The following CRAMP1 variants were observed in gnomAD, a reference collection of about 807,000 sequenced individuals.
CRAMP1 encodes the protein protein cramped-like.
CRAMP1 carries 50 observed loss-of-function variants against 115.4 expected under a neutral mutation model. That is an observed-to-expected ratio of 0.43 (90% CI 0.35 to 0.55). CRAMP1 has a LOEUF of 0.55. Among genes scored for constraint, CRAMP1 ranks in the 20% least tolerant of loss-of-function variants. The pLI is 0.01. For synonymous variants in CRAMP1, 866 were observed against 745.4 expected (o/e 1.16, Z -2.64); for missense variants, 1,679 against 1,721.7 (o/e 0.98, Z 0.44).
At chr16:1,660,144 G>T in intron 11 of CRAMP1, 81 bp downstream of exon 11, 2 of 1,264,512 alleles carry the variant, frequency 1.6e-6, no homozygotes, top group Non-Finnish European at 2.1e-6. Context: ...CCGAAGCTGA[G>T]AGCACAGGTG....
intron 5 of CRAMP1, among the ~76,000 whole-genome samples, chr16:1,640,585 T>G (rs940936664): frequency 2.6e-5 from 4 of 152,170 alleles, no homozygotes; most frequent in African/African-American, 9.7e-5. Flanking sequence ...TTGCACATCT[T>G]GAAGATAGTG....
chr16:1,614,158 G>C lies in CRAMP1; in HGVS notation c.-1-481G>C, dbSNP rs2036393760. On this transcript the variant is annotated intron_variant, in intron 1 of 20. Transcript: ENST00000397412. This position sits in a 1 kb window ranked among gnomAD's most constrained non-coding sequence, Gnocchi z 4.4. ...GACGAGGGGCTAGGGCTGGGGCTGC[G>C]GCCCGGCCGGCCGAGGCGGCGCAGG... Among the ~76,000 whole-genome samples, 1 of 148,750 alleles carries C rather than the reference G, an allele frequency of 6.7e-6. No individual in the cohort carries two copies. The highest frequency in any genetic ancestry group is 2.1e-4 in the South Asian group (1 of 4,802).
chr16:1,664,965 C>T, intron 13 of CRAMP1, 92 bp from the exon 14 acceptor site: 2 of 870,680 alleles, frequency 2.3e-6, no homozygotes, highest in Admixed American at 3.8e-5. Flanking sequence ...CTATGCTGGG[C>T]ACCCTCTTAC....
intron 10 of CRAMP1, 79 bp downstream of exon 10, chr16:1,657,071 C>A: frequency 7.8e-7 from 1 of 1,282,930 alleles, no homozygotes; most frequent in Non-Finnish European, 1.0e-6. Context: ...TGCTGGGTAG[C>A]TAGGGCCAGC....
rs2036969141 is a variant in CRAMP1 at position 1,676,468 on chromosome 16, T to C, written c.*2423T>C. 6.6e-6 allele frequency: 1 copy of C among 152,246 alleles called. No individual in the cohort carries two copies. The highest frequency in any genetic ancestry group is 2.4e-5 in the African/African-American group (1 of 41,454). 9.4% of individuals were successfully genotyped at this position (152,246 alleles called of 1,614,324 possible). A position where few individuals can be genotyped will look rare whatever the true frequency, so the allele number is the denominator to read the frequency against. On this transcript the variant is annotated 3_prime_UTR_variant, in exon 21 of 21. Coordinates refer to ENST00000397412, the MANE Select transcript of CRAMP1 (RefSeq NM_020825.4). ...TTCTTCTGGCCTAAATGAATATTTA[T>C]GTGCAAACATAGGCAACTGTTAAAG... is the stretch of plus-strand genomic sequence containing the variant.
intron 3 of CRAMP1, 125 bp downstream of exon 3, chr16:1,626,291 G>C: frequency 1.1e-6 from 1 of 885,186 alleles, no homozygotes; most frequent in Non-Finnish European, 1.6e-6. Flanking sequence ...GACCCCCGCA[G>C]TGGCGGAGGC....
intron 19 of CRAMP1, among the ~76,000 whole-genome samples, chr16:1,670,127 T>G (rs1047235702): frequency 2.6e-5 from 4 of 151,320 alleles, no homozygotes; most frequent in Non-Finnish European, 5.9e-5. Context: ...TAGCCAGGTG[T>G]GGGGGGTGCA....
chr16:1,655,900 G>T lies in CRAMP1; in HGVS notation c.1143G>T (p.Gln381His), dbSNP rs2036767227. ...AGCGGAAGACACTCGAGGAGCGGCA[G>T]CTGCAGGACTCATGCTCCGCACCGA... Reference protein sequence around the residue: ...VRVRKTLEERQLQDSCSAPMQ... With the variant: ...VRVRKTLEERHLQDSCSAPMQ... Residue 381 changes from glutamine (Q) to histidine (H), a missense_variant, in exon 10 of 21, where the codon CAG becomes CAT. Coordinates refer to ENST00000397412, the MANE Select transcript of CRAMP1 (RefSeq NM_020825.4). The T allele has an allele frequency of 5.0e-6, 8 of 1,610,094 alleles. No individual in the cohort carries two copies. Among genetic ancestry groups the T allele is most frequent in the Non-Finnish European group, 5.9e-6 (7 of 1,177,604 alleles).
chr16:1,658,432 G>A (rs2036794870), intron 10 of CRAMP1, among the ~76,000 whole-genome samples: 1 of 152,190 alleles, frequency 6.6e-6, no homozygotes, highest in South Asian at 2.1e-4. Context: ...GAAGGGGCCA[G>A]GGTGGGCTCC....
chr16:1,621,195 G>T (rs1166082346), intron 2 of CRAMP1, among the ~76,000 whole-genome samples: 2 of 152,206 alleles, frequency 1.3e-5, no homozygotes, highest in African/African-American at 2.4e-5. Context: ...ATGAAGGGGT[G>T]CAGGTGGTGG....
chr16:1,652,935 T>C (rs930907985), intron 7 of CRAMP1, 98 bp from the exon 8 acceptor site: 2 of 1,441,704 alleles, frequency 1.4e-6, no homozygotes, highest in Non-Finnish European at 1.9e-6. Context: ...CAAGGCCATC[T>C]GCTCACAGCT....
At chr16:1,640,910 A>G (rs1364020126) in intron 5 of CRAMP1, among the ~76,000 whole-genome samples, 10 of 152,280 alleles carry the variant, frequency 6.6e-5, no homozygotes. Context: ...GGAGGGGGCC[A>G]GGCAGGGGCG....
At position 1,616,216 on chromosome 16, in the gene CRAMP1, T is replaced by G. The variant is rs116613461; in HGVS notation, c.346+1231T>G. 2.2e-3 allele frequency among the ~76,000 whole-genome samples: 338 copies of G among 152,360 alleles called. 3 individuals are homozygous for G. Among genetic ancestry groups the G allele is most frequent in the African/African-American group, 7.9e-3 (327 of 41,584 alleles). On this transcript the variant is annotated intron_variant, in intron 2 of 20. Coordinates refer to ENST00000397412, the MANE Select transcript of CRAMP1 (RefSeq NM_020825.4). ...GGAAAACATGAGTGGCTTTGCTTGTTACTAGTTTTTTATTGCTAGTTACAG... is the reference window on the plus strand; with the variant it reads ...GGAAAACATGAGTGGCTTTGCTTGTGACTAGTTTTTTATTGCTAGTTACAG...
intron 10 of CRAMP1, among the ~76,000 whole-genome samples, chr16:1,658,566 C>CA (rs2036795955): frequency 1.3e-5 from 2 of 152,118 alleles, no homozygotes; most frequent in African/African-American, 4.8e-5. Flanking sequence ...ACTGGACAGA[C>CA]AGACAGACAG....
At chr16:1,645,762 C>G (rs1336353611) in intron 6 of CRAMP1, among the ~76,000 whole-genome samples, 1 of 152,234 alleles carries the variant, frequency 6.6e-6, no homozygotes, top group East Asian at 1.9e-4. Flanking sequence ...CTCTCTCTAG[C>G]TGCACCTTTC....
chr16:1,631,255 T>C (rs1272048767), intron 3 of CRAMP1, among the ~76,000 whole-genome samples: 1 of 152,242 alleles, frequency 6.6e-6, no homozygotes, highest in African/African-American at 2.4e-5. Context: ...ATGTTGGCTT[T>C]ATTCTGGGGG....
intron 6 of CRAMP1, among the ~76,000 whole-genome samples, chr16:1,642,407 A>T (rs1380583996): frequency 6.6e-6 from 1 of 152,184 alleles, no homozygotes; most frequent in Non-Finnish European, 1.5e-5. Flanking sequence ...GCAGCCAACG[A>T]CTGTAACTGG....
rs1463738022 is a variant in CRAMP1 at position 1,662,546 on chromosome 16, A to G, written c.2470A>G (p.Asn824Asp). 6.2e-7 allele frequency: 1 copy of G among 1,613,832 alleles called. No homozygotes were observed. Among genetic ancestry groups the G allele is most frequent in the Non-Finnish European group, 8.5e-7 (1 of 1,179,866 alleles). The change falls in exon 12 of 21, where the codon AAT becomes GAT. Residue 824 changes from asparagine to aspartate, a missense_variant. Coordinates refer to ENST00000397412, the MANE Select transcript of CRAMP1 (RefSeq NM_020825.4). ...GCCTGGTCCCTCCAGCACAGGAAGC[A>G]ATGACTCAGATGGAGGCCTTTTTGC... ...LVPGPSSTGS[N>D]DSDGGLFAVP...
At position 1,670,347 on chromosome 16, in the gene CRAMP1, G is replaced by A. The variant is rs546852463; in HGVS notation, c.3500-317G>A. ...GTATGGGGGTGGGGATGGCAGTGAG[G>A]GTGGGAGAGCATGATGGGGGTGGGG... On this transcript the variant is annotated intron_variant, in intron 19 of 20. Coordinates refer to ENST00000397412, the MANE Select transcript of CRAMP1 (RefSeq NM_020825.4). The A allele has an allele frequency of 2.5e-3, 882 of 347,070 alleles. 3 individuals carry two copies. Among genetic ancestry groups the A allele is most frequent in the Non-Finnish European group, 3.9e-3 (719 of 186,646 alleles). The allele number at this position is 347,070 out of a possible 1,614,324, so 21.5% of individuals were successfully genotyped here.
Sources: allele counts gnomAD v4.1 joint callset (sites outside exome capture counted in the v4.1 genomes callset), GRCh38; gene constraint gnomAD v4.1.1; non-coding constraint Gnocchi (gnomAD v3.1); transcripts MANE v1.5; gene names NCBI Gene and HGNC (gene_info 2026-07-23, HGNC 2026-07-21).